PRH1: variants seen among roughly 807,000 people sequenced by gnomAD.
PRH1 encodes the protein salivary acidic proline-rich phosphoprotein 1/2.
Under a neutral mutation model 7.9 loss-of-function variants are expected in PRH1, and 7 were observed. That is an observed-to-expected ratio of 0.89 (90% CI 0.50 to 1.67). The LOEUF is 1.67. PRH1 is among the 40% of genes most tolerant of loss of function. PRH1 has a pLI of 0.00. For synonymous variants in PRH1, 45 were observed against 80.8 expected (o/e 0.56, Z 2.38); for missense variants, 109 against 223.6 (o/e 0.49, Z 3.27).
chr12:10,888,286 G>T (rs1949523120), upstream of PRH1, among the ~76,000 whole-genome samples: 1 of 152,124 alleles, frequency 6.6e-6, no homozygotes, highest in Non-Finnish European at 1.5e-5. Context: ...CCTTTGTCAT[G>T]TAAGTTAATA....
chr12:11,138,928 T>A (rs1592091152), intron 1 of PRH1, among the ~76,000 whole-genome samples: 2 of 152,234 alleles, frequency 1.3e-5, no homozygotes, highest in East Asian at 3.9e-4. Context: ...TTGTCCTAGC[T>A]ACTCTGGAGG....
intron 1 of PRH1, among the ~76,000 whole-genome samples, chr12:11,045,560 C>T (rs1429252225): frequency 1.3e-5 from 2 of 151,986 alleles, no homozygotes; most frequent in African/African-American, 4.8e-5. Context: ...TAGTATGTAT[C>T]CACGAAACTT....
chr12:11,040,166 C>G (rs1409703321), intron 1 of PRH1, among the ~76,000 whole-genome samples: 1 of 152,080 alleles, frequency 6.6e-6, no homozygotes, highest in African/African-American at 2.4e-5. Flanking sequence ...TCATTTTTCT[C>G]CGTTTAATTT....
In PRH1 at chr12:11,107,983, GAGAGAGTGGTATGACATATTAAAAGTGC is replaced by G. The variant is rs1363333498; in HGVS notation, n.124-60823_124-60796del. Among the ~76,000 whole-genome samples, 78 of 152,322 alleles carry G rather than the reference GAGAGAGTGGTATGACATATTAAAAGTGC, an allele frequency of 5.1e-4. No homozygotes were observed. The East Asian group carries it at 9.1e-3, about 18-fold the overall frequency. ...AGACTTTTCAGTGGAAAAAGGCCAG[GAGAGAGTGGTATGACATATTAAAAGTGC>G]AGAGAGTGGTATGACATATTAAAAG... is the stretch of plus-strand genomic sequence containing the variant. On this transcript the variant is annotated intron_variant and non_coding_transcript_variant, in intron 1 of 4. Transcript: ENST00000541977.
intron 1 of PRH1, among the ~76,000 whole-genome samples, chr12:11,160,764 C>T (rs542075971): frequency 2.6e-5 from 4 of 152,210 alleles, no homozygotes; most frequent in East Asian, 3.9e-4. Context: ...TGAGCCACCA[C>T]GCCTGGCCCT....
chr12:11,123,966 T>C (rs1946007164), intron 1 of PRH1, among the ~76,000 whole-genome samples: 1 of 152,240 alleles, frequency 6.6e-6, no homozygotes, highest in Non-Finnish European at 1.5e-5. Context: ...TTTGGGGTTT[T>C]TTGTTTTCTG....
intron 1 of PRH1, among the ~76,000 whole-genome samples, chr12:11,152,177 A>C (rs1947118269): frequency 6.6e-6 from 1 of 150,516 alleles, no homozygotes; most frequent in Non-Finnish European, 1.5e-5. Context: ...GGTGTGCAGC[A>C]CCCATTAACT....
At chr12:11,105,215 TAA>T (rs1306529966) in intron 1 of PRH1, among the ~76,000 whole-genome samples, 1 of 151,872 alleles carries the variant, frequency 6.6e-6, no homozygotes, top group Non-Finnish European at 1.5e-5. Flanking sequence ...AGTTGAAAAA[TAA>T]AAAGAGTCTA....
chr12:10,915,732 C>T (rs941177366), intron 2 of PRH1, among the ~76,000 whole-genome samples: 1 of 152,210 alleles, frequency 6.6e-6, no homozygotes, highest in African/African-American at 2.4e-5. Flanking sequence ...AGACAGCCAA[C>T]AGGATAGCCA....
chr12:10,909,779 G>A (rs562535060), intron 2 of PRH1, among the ~76,000 whole-genome samples: 3 of 152,176 alleles, frequency 2.0e-5, no homozygotes, highest in Non-Finnish European at 4.4e-5. Flanking sequence ...CATAGCCAAT[G>A]AAGCTTTATA....
chr12:11,152,743 C>T (rs1018557831), intron 1 of PRH1, among the ~76,000 whole-genome samples: 9 of 152,148 alleles, frequency 5.9e-5, no homozygotes, highest in Non-Finnish European at 2.9e-5. Context: ...TAATGTTGTA[C>T]TTGTCTGTGA....
chr12:11,022,747 A>G, intron 1 of PRH1: 3 of 578,934 alleles, frequency 5.2e-6, no homozygotes, highest in Non-Finnish European at 9.1e-6. Context: ...ATGAATTCAA[A>G]ACTGTCTTTA....
chr12:11,087,415 T>C (rs148550170), intron 1 of PRH1, among the ~76,000 whole-genome samples: 2,972 of 116,804 alleles, frequency 0.025, 876 homozygotes, highest in South Asian at 0.04. Flanking sequence ...TTTCTGAAGG[T>C]CAGATGCTAC....
intron 1 of PRH1, chr12:11,021,550 A>G: frequency 1.4e-6 from 1 of 715,390 alleles, no homozygotes; most frequent in South Asian, 2.0e-5. Flanking sequence ...CTCACATACA[A>G]ACACTATGGA....
chr12:11,046,903 A>G (rs1942919985), intron 1 of PRH1: 2 of 401,154 alleles, frequency 5.0e-6, no homozygotes, highest in Admixed American at 2.4e-5. Context: ...AATTGGGGAG[A>G]ATATTGGCAT....
chr12:10,930,979 C>T, intron 2 of PRH1: 1 of 1,597,004 alleles, frequency 6.3e-7, no homozygotes, highest in Non-Finnish European at 8.5e-7. Context: ...AGGTCCTCCC[C>T]CACCTCCTCC....
intron 1 of PRH1, among the ~76,000 whole-genome samples, chr12:11,007,705 A>G (rs936290015): frequency 2.0e-5 from 3 of 152,046 alleles, no homozygotes; most frequent in African/African-American, 7.2e-5. Context: ...GATGGCTTCC[A>G]CATTGGAGTT....
rs139170611 is a variant in PRH1, at chr12:11,016,907, A to G, written c.-126+30113T>C. Among the ~76,000 whole-genome samples, 571 of 152,338 alleles carry G rather than the reference A, an allele frequency of 3.7e-3. 3 individuals carry two copies. The highest frequency in any genetic ancestry group is 0.014 in the Middle Eastern group (4 of 294). Reference sequence around the variant, plus strand: ...CATTCTCCAAGGAATGGAATTGATCACTACCATGACAAAACACTTGAAAGT... The same window carrying G: ...CATTCTCCAAGGAATGGAATTGATCGCTACCATGACAAAACACTTGAAAGT... On this transcript the variant is annotated intron_variant, in intron 1 of 3. Transcript: ENST00000539853.
chr12:11,034,934 T>C (rs1250614720), intron 1 of PRH1: 1 of 152,286 alleles, frequency 6.6e-6, no homozygotes, highest in Non-Finnish European at 1.5e-5. Context: ...TTTTCTTCTA[T>C]CTGAAAAGAT....
Sources: allele counts gnomAD v4.1 joint callset (sites outside exome capture counted in the v4.1 genomes callset), GRCh38; gene constraint gnomAD v4.1.1; transcripts MANE v1.5; gene names NCBI Gene and HGNC (gene_info 2026-07-23, HGNC 2026-07-21).